The following MAML3 variants were observed in gnomAD, a reference collection of about 807,000 sequenced individuals.
MAML3 encodes the protein mastermind-like protein 3.
Under a neutral mutation model 101.9 loss-of-function variants are expected in MAML3, and 27 were observed. The observed-to-expected ratio is 0.27, with a 90% CI of 0.20 to 0.37. The LOEUF is 0.37. MAML3 is among the 10% of genes least tolerant of loss of function. MAML3 has a pLI of 1.00. For missense variants in MAML3, 1,316 were observed against 1,444.9 expected (o/e 0.91, Z 1.45); for synonymous variants, 501 against 555.9 (o/e 0.90, Z 1.39).
rs577005297 is a variant in MAML3, at chr4:139,856,269, CA to C, written c.2079+33087del. Among the ~76,000 whole-genome samples, 607 of 152,228 alleles carry C rather than the reference CA, an allele frequency of 4.0e-3. 5 individuals carry two copies. The highest frequency in any genetic ancestry group is 4.7e-3 in the Non-Finnish European group (318 of 68,008). ...ATAAATGGGTGCCTGTTAGTGCAGT[CA>C]AAAAATATTCTTAAGCAATAAGATG... On this transcript the variant is annotated intron_variant, in intron 2 of 4. Transcript: ENST00000509479.
At chr4:139,924,155 T>G (rs1733178362) in intron 1 of MAML3, among the ~76,000 whole-genome samples, 1 of 152,188 alleles carries the variant, frequency 6.6e-6, no homozygotes, top group Admixed American at 6.5e-5. Flanking sequence ...ACATAGAAAC[T>G]CACAAAATCC....
intron 2 of MAML3, among the ~76,000 whole-genome samples, chr4:139,796,721 C>T (rs147279189): frequency 6.6e-6 from 1 of 152,258 alleles, no homozygotes; most frequent in East Asian, 1.9e-4. Context: ...GAGGTAGAGG[C>T]TAGTTCTACC....
At chr4:139,947,227 C>T (rs1030869848) in intron 1 of MAML3, among the ~76,000 whole-genome samples, 2 of 152,202 alleles carry the variant, frequency 1.3e-5, no homozygotes, top group Admixed American at 6.5e-5. Flanking sequence ...TTATCCTTGC[C>T]TTGTCCTTCC....
chr4:139,926,370 G>A lies in MAML3; in HGVS notation c.469-35403C>T, dbSNP rs542984458. On this transcript the variant is annotated intron_variant, in intron 1 of 4. Transcript: ENST00000509479. ...TCCTAACACTTTGGGAGGCCGAGGC[G>A]GGCGGATCACCTGAGGTCAGGAGAT... Among the ~76,000 whole-genome samples the A allele has an allele frequency of 7.2e-5, 11 of 152,230 alleles. No homozygotes were observed. The South Asian group carries it at 1.0e-3, about 14-fold the overall frequency.
intron 1 of MAML3, among the ~76,000 whole-genome samples, chr4:140,095,789 G>T (rs1728150032): frequency 6.6e-6 from 1 of 152,088 alleles, no homozygotes; most frequent in Non-Finnish European, 1.5e-5. Context: ...GAAGCTTCCT[G>T]CTTCCTGTTC....
rs71593737 is a variant in MAML3, at chr4:139,989,850, A to AACACACAC, written c.469-98891_469-98884dup. Among the ~76,000 whole-genome samples, 908 of 122,834 alleles carry AACACACAC rather than the reference A, an allele frequency of 7.4e-3. 6 individuals carry two copies. Among genetic ancestry groups the AACACACAC allele is most frequent in the South Asian group, 0.018 (68 of 3,734 alleles). 80.6% of individuals were successfully genotyped at this position (122,834 alleles called of 152,430 possible). On this transcript the variant is annotated intron_variant, in intron 1 of 4. Transcript: ENST00000509479. ...CCCTGCACCCCACCACACACAAACA[A>AACACACAC]ACACACACACACACACACACACACA...
chr4:139,734,057 G>A (rs531033676), intron 2 of MAML3, among the ~76,000 whole-genome samples: 16 of 152,274 alleles, frequency 1.1e-4, no homozygotes, highest in African/African-American at 2.9e-4. Context: ...AAAGCTCTGC[G>A]GCATTCAACA....
chr4:140,113,787 G>A (rs1728476227), intron 1 of MAML3, among the ~76,000 whole-genome samples: 2 of 152,296 alleles, frequency 1.3e-5, no homozygotes, highest in Middle Eastern at 6.8e-3. Flanking sequence ...ACCTAGAACT[G>A]CTCTAATCAA....
chr4:140,026,513 C>T (rs560660306), intron 1 of MAML3, among the ~76,000 whole-genome samples: 2 of 152,262 alleles, frequency 1.3e-5, no homozygotes, highest in East Asian at 3.9e-4. Context: ...CTCAGCCTCC[C>T]AAAGTGCTGG....
rs77973467 is a variant in MAML3 at position 139,805,572 on chromosome 4, A to G, written c.2080-74905T>C. On this transcript the variant is annotated intron_variant, in intron 2 of 4. Transcript: ENST00000509479. ...GAAATGAATAGAAACTACAAGAAGA[A>G]AATTAGAGAATCTTTAAAAAAGACT... Among the ~76,000 whole-genome samples, 1,086 of 152,298 alleles carry G rather than the reference A, an allele frequency of 7.1e-3. 19 individuals carry two copies. The highest frequency in any genetic ancestry group is 0.025 in the African/African-American group (1,037 of 41,564).
intron 2 of MAML3, among the ~76,000 whole-genome samples, chr4:139,777,776 C>T (rs1311558623): frequency 6.6e-6 from 1 of 152,248 alleles, no homozygotes; most frequent in Non-Finnish European, 1.5e-5. Context: ...TTAAAACTCG[C>T]ACTTTTGACC....
intron 1 of MAML3, among the ~76,000 whole-genome samples, chr4:139,931,185 C>G (rs1415329449): frequency 6.6e-6 from 1 of 152,134 alleles, no homozygotes; most frequent in Non-Finnish European, 1.5e-5. Context: ...AATCTCAAGA[C>G]AGCGCCAGCA....
intron 2 of MAML3, among the ~76,000 whole-genome samples, chr4:139,858,641 G>A (rs560600724): frequency 1.3e-5 from 2 of 152,244 alleles, no homozygotes; most frequent in East Asian, 3.9e-4. Context: ...GTGTTCTGAA[G>A]CACAAAGCCA....
intron 2 of MAML3, among the ~76,000 whole-genome samples, chr4:139,756,110 A>T (rs1014905891): frequency 2.0e-5 from 3 of 152,208 alleles, no homozygotes; most frequent in African/African-American, 7.2e-5. Flanking sequence ...CAGAGTATTC[A>T]TGAACATACT....
chr4:139,898,255 T>C (rs1732650423), intron 1 of MAML3, among the ~76,000 whole-genome samples: 1 of 152,374 alleles, frequency 6.6e-6, no homozygotes, highest in East Asian at 1.9e-4. Flanking sequence ...GTTCTCAGAA[T>C]AAACGTATAA....
At position 140,129,742 on chromosome 4, in the gene MAML3, G is replaced by A. The variant is rs1386198364; in HGVS notation, c.468+23118C>T. ...AGCACTTTGGGAGGCCGAGGCGGGC[G>A]GATCACGAGGTCAAGAAATCGAGAC... On this transcript the variant is annotated intron_variant, in intron 1 of 4. Coordinates refer to ENST00000509479, the MANE Select transcript of MAML3 (RefSeq NM_018717.5). Among the ~76,000 whole-genome samples, 18 of 152,044 alleles carry A rather than the reference G, an allele frequency of 1.2e-4. No individual in the cohort carries two copies. In the South Asian group the frequency reaches 1.5e-3, roughly 12 times the overall value.
At chr4:140,074,350 T>C (rs1727732217) in intron 1 of MAML3, among the ~76,000 whole-genome samples, 1 of 152,146 alleles carries the variant, frequency 6.6e-6, no homozygotes, top group African/African-American at 2.4e-5. Context: ...AGCAACCCCC[T>C]GGTCCTTTGA....
rs183279471 is a variant in MAML3 at position 140,000,238 on chromosome 4, T to G, written c.469-109271A>C. ...CCTCAGTAAAGACTGTTCATTACTT[T>G]CAATGGCTCTTTATTGCTATCTGAC... On this transcript the variant is annotated intron_variant, in intron 1 of 4. Coordinates refer to ENST00000509479, the MANE Select transcript of MAML3 (RefSeq NM_018717.5). Among the ~76,000 whole-genome samples the G allele has an allele frequency of 8.1e-4, 123 of 152,248 alleles. No homozygotes were observed. The Middle Eastern group carries it at 0.017, about 21-fold the overall frequency.
At chr4:139,952,026 G>A (rs1277069291) in intron 1 of MAML3, among the ~76,000 whole-genome samples, 1 of 152,062 alleles carries the variant, frequency 6.6e-6, no homozygotes, top group East Asian at 1.9e-4. Context: ...TTAGCCGTGT[G>A]TAGCGGCGGG....
Sources: gnomAD v4.1 joint callset for allele counts (sites outside exome capture counted in the v4.1 genomes callset) on GRCh38, gnomAD v4.1.1 for gene constraint, MANE v1.5 for transcripts, NCBI Gene and HGNC (gene_info 2026-07-23, HGNC 2026-07-21) for gene names.